Variants in ACTN1 observed in about 807,000 individuals in gnomAD.
ACTN1 encodes actinin alpha 1.
A neutral mutation model predicts 119.6 loss-of-function variants in ACTN1; 30 were observed. That is an observed-to-expected ratio of 0.25 (90% CI 0.19 to 0.34). The LOEUF (loss-of-function observed/expected upper bound fraction) is 0.34, where lower values mean the gene tolerates loss of function less well. Among genes scored for constraint, ACTN1 ranks in the 10% least tolerant of loss-of-function variants. The pLI is 1.00. For missense variants in ACTN1, 764 were observed against 1,223.4 expected, an observed-to-expected ratio of 0.62 and a Z score of 5.60; for synonymous variants, 429 against 472.6, an observed-to-expected ratio of 0.91 and a Z score of 1.20.
At chr14:68,900,183 T>C (rs892912064) in intron 8 of ACTN1, among the ~76,000 whole-genome samples, 2 of 152,110 alleles carry the variant, frequency 1.3e-5, no homozygotes, top group Non-Finnish European at 2.9e-5. Context: ...ATATGGTGTC[T>C]CTGGATCATT....
intron 1 of ACTN1, among the ~76,000 whole-genome samples, chr14:68,934,560 A>C (rs943702395): frequency 7.9e-5 from 12 of 152,262 alleles, no homozygotes; most frequent in African/African-American, 2.9e-4. Context: ...ACCAAGGTGA[A>C]CTAAGATGGG....
chr14:68,880,726 G>T lies in ACTN1; in HGVS notation c.2133+84C>A. On this transcript the variant is annotated intron_variant, in intron 17 of 21. Coordinates refer to ENST00000394419, the MANE Select transcript of ACTN1 (RefSeq NM_001130004.2). This position sits in a 1 kb window ranked among gnomAD's most constrained non-coding sequence, Gnocchi z 4.6. ...TTAATTTATCCTCCAACTATGACCT[G>T]TTCCCTTGGAGACTTCCCCACCCAG... The T allele has an allele frequency of 1.4e-6, 2 of 1,424,070 alleles. No homozygotes were observed. The highest frequency in any genetic ancestry group is 1.9e-6 in the Non-Finnish European group (2 of 1,030,154). The allele number at this position is 1,424,070 out of a possible 1,614,324, so 88.2% of individuals were successfully genotyped here.
intron 1 of ACTN1, among the ~76,000 whole-genome samples, chr14:68,969,059 G>A (rs890466848): frequency 6.6e-6 from 1 of 152,214 alleles, no homozygotes; most frequent in African/African-American, 2.4e-5. Flanking sequence ...ATGCCAAGCA[G>A]ACTCAGTGAG....
intron 1 of ACTN1, among the ~76,000 whole-genome samples, chr14:68,927,104 C>G (rs571403376): frequency 6.6e-6 from 1 of 152,168 alleles, no homozygotes; most frequent in Non-Finnish European, 1.5e-5. Flanking sequence ...AGAGAAACGG[C>G]GTATTGTGCT....
At chr14:68,952,865 A>G (rs2036214364) in intron 1 of ACTN1, among the ~76,000 whole-genome samples, 1 of 152,176 alleles carries the variant, frequency 6.6e-6, no homozygotes, top group Admixed American at 6.5e-5. Context: ...TGGATGGAGC[A>G]GCCCCCAGGA....
Position 68,893,673 on chromosome 14 carries a change from G to A in ACTN1, c.837C>T (p.Tyr279=), listed in dbSNP as rs751472888. 9 of 1,614,012 alleles carry A rather than the reference G, an allele frequency of 5.6e-6. No homozygotes were observed. Among genetic ancestry groups the A allele is most frequent in the South Asian group, 3.3e-5 (3 of 91,080 alleles). ...NQENEQLMED[Y]EKLASDLLEW... ...TACCCACATCACTGGCCAGCTTCTC[G>A]TAGTCTTCCATAAGCTGCTCGTTCT... Residue 279 remains tyrosine (Y), a synonymous_variant, in exon 9 of 22, where the codon TAC becomes TAT. Coordinates refer to ENST00000394419, the MANE Select transcript of ACTN1 (RefSeq NM_001130004.2).
chr14:68,918,478 C>A (rs1071807), intron 3 of ACTN1, among the ~76,000 whole-genome samples: 1 of 143,178 alleles, frequency 7.0e-6, no homozygotes, highest in Non-Finnish European at 1.5e-5. Flanking sequence ...CCCAGCTACT[C>A]GGGAGGCTGA....
chr14:68,908,772 T>G (rs2033820220), intron 6 of ACTN1, among the ~76,000 whole-genome samples: 1 of 152,020 alleles, frequency 6.6e-6, no homozygotes, highest in South Asian at 2.1e-4. Context: ...CCTGCATCTG[T>G]CCCCACTCCA....
At chr14:68,928,102 T>C (rs763752074) in intron 1 of ACTN1, among the ~76,000 whole-genome samples, 2 of 152,220 alleles carry the variant, frequency 1.3e-5, no homozygotes, top group Non-Finnish European at 2.9e-5. Context: ...TAGCAGGCAC[T>C]GCCCTGAGCC....
chr14:68,922,594 T>C (rs754059280), intron 2 of ACTN1, among the ~76,000 whole-genome samples: 1 of 152,146 alleles, frequency 6.6e-6, no homozygotes, highest in Non-Finnish European at 1.5e-5. Flanking sequence ...GCCCCAGCCA[T>C]TCAGCAGCTG....
chr14:68,943,387 C>CCTTTTT (rs1286570835), intron 1 of ACTN1, among the ~76,000 whole-genome samples: 5 of 152,216 alleles, frequency 3.3e-5, no homozygotes, highest in African/African-American at 1.2e-4. Context: ...CAAGGGGCTT[C>CCTTTTT]CGCCTGTGGT....
At chr14:68,921,291 A>C (rs1594817119) in intron 2 of ACTN1, 166 bp from the exon 3 acceptor site, 1 of 788,762 alleles carries the variant, frequency 1.3e-6, no homozygotes, top group South Asian at 2.5e-5. Flanking sequence ...GGAGAATGTC[A>C]CCCTGGCAGG....
At chr14:68,901,448 A>T (rs920652678) in intron 8 of ACTN1, among the ~76,000 whole-genome samples, 1 of 151,926 alleles carries the variant, frequency 6.6e-6, no homozygotes, top group Non-Finnish European at 1.5e-5. Flanking sequence ...GGGTTTCACC[A>T]TGTTGGCCAG....
chr14:68,967,863 C>A (rs2036755368), intron 1 of ACTN1, among the ~76,000 whole-genome samples: 3 of 152,238 alleles, frequency 2.0e-5, no homozygotes, highest in African/African-American at 7.2e-5. Context: ...AGCCTCATAT[C>A]CAGAGCAGTC....
At chr14:68,954,620 C>T (rs1185117461) in intron 1 of ACTN1, among the ~76,000 whole-genome samples, 3 of 152,180 alleles carry the variant, frequency 2.0e-5, no homozygotes, top group African/African-American at 7.2e-5. Context: ...GCCACCACAC[C>T]CGGCCCATAC....
rs148799064 is a variant in ACTN1 at position 68,909,700 on chromosome 14, T to C, written c.515+255A>G. On this transcript the variant is annotated intron_variant, in intron 5 of 21. Coordinates refer to ENST00000394419, the MANE Select transcript of ACTN1 (RefSeq NM_001130004.2). This position sits in a 1 kb window ranked among gnomAD's most constrained non-coding sequence, Gnocchi z 4.1. ...CCCTGGGCTGGGACTTCCTGGACAA[T>C]TTCCTTGGGGGCGCTCCCAGTAGCA... Among the ~76,000 whole-genome samples the C allele has an allele frequency of 6.6e-6, 1 of 152,226 alleles. No homozygotes were observed. Among genetic ancestry groups the C allele is most frequent in the Non-Finnish European group, 1.5e-5 (1 of 68,008 alleles).
At chr14:68,901,340 C>T (rs1021812267) in intron 8 of ACTN1, among the ~76,000 whole-genome samples, 2 of 148,550 alleles carry the variant, frequency 1.3e-5, no homozygotes, top group Non-Finnish European at 3.0e-5. Flanking sequence ...CTCCACCTCT[C>T]GGGTTCAAGC....
chr14:68,940,989 T>G (rs7148988), intron 1 of ACTN1, among the ~76,000 whole-genome samples: 22,922 of 152,180 alleles, frequency 0.15, 2,345 homozygotes, highest in African/African-American at 0.28. Context: ...GCATAGTGAC[T>G]GGGAACTCTG....
chr14:68,923,206 G>C (rs2034743123), intron 2 of ACTN1, among the ~76,000 whole-genome samples: 1 of 152,222 alleles, frequency 6.6e-6, no homozygotes, highest in Admixed American at 6.5e-5. Context: ...GAGACACAGA[G>C]AGAAGATGAC....
Sources: gnomAD v4.1 joint callset for allele counts (sites outside exome capture counted in the v4.1 genomes callset) on GRCh38, gnomAD v4.1.1 for gene constraint, Gnocchi (gnomAD v3.1) non-coding constraint, MANE v1.5 for transcripts, NCBI Gene and HGNC (gene_info 2026-07-23, HGNC 2026-07-21) for gene names.